The following EPB41L4A variants were observed in gnomAD, a reference collection of about 807,000 sequenced individuals.
EPB41L4A encodes erythrocyte membrane protein band 4.1 like 4A.
Under a neutral mutation model 108.6 loss-of-function variants are expected in EPB41L4A, and 100 were observed. That is an observed-to-expected ratio of 0.92 (90% CI 0.78 to 1.09). The LOEUF (loss-of-function observed/expected upper bound fraction) is 1.09, where lower values mean the gene tolerates loss of function less well. Among genes scored for constraint, EPB41L4A ranks in the 50% least tolerant of loss-of-function variants. The probability of loss-of-function intolerance (pLI) is 0.00; values close to 1 mark genes in which losing one functional copy is unlikely to be tolerated. For missense variants in EPB41L4A, 1,030 were observed against 842.7 expected (o/e 1.22, Z -2.75); for synonymous variants, 319 against 289.0 (o/e 1.10, Z -1.05).
intron 1 of EPB41L4A, among the ~76,000 whole-genome samples, chr5:112,326,004 A>G (rs1480168934): frequency 6.6e-6 from 1 of 152,038 alleles, no homozygotes; most frequent in Non-Finnish European, 1.5e-5. Context: ...TTTTAAAATT[A>G]GCCAAGTGGG....
downstream of EPB41L4A, chr5:112,161,403 A>G (rs1759892569): frequency 4.5e-6 from 2 of 439,906 alleles, no homozygotes; most frequent in South Asian, 1.7e-5. Flanking sequence ...TCTGAAATGT[A>G]TTGTCCGTTT....
At position 112,396,310 on chromosome 5, in the gene EPB41L4A, T is replaced by C. The variant is rs544705811; in HGVS notation, c.99+22631A>G. ...CACTTTTATACAAAGGCTTTATCCA[T>C]ATTGCTTCAATATGCAGTTTCTTCC... is the stretch of plus-strand genomic sequence containing the variant. On this transcript the variant is annotated intron_variant, in intron 1 of 22. Coordinates refer to ENST00000261486, the MANE Select transcript of EPB41L4A (RefSeq NM_022140.5). Among the ~76,000 whole-genome samples, 3 of 152,320 alleles carry C rather than the reference T, an allele frequency of 2.0e-5. No homozygotes were observed. The South Asian group carries it at 6.2e-4, about 32-fold the overall frequency.
intron 1 of EPB41L4A, among the ~76,000 whole-genome samples, chr5:112,339,640 T>G (rs1019453012): frequency 6.6e-6 from 1 of 151,142 alleles, no homozygotes. Context: ...TTCAAGCGAT[T>G]CCCCCGCCTC....
At chr5:112,282,767 G>A (rs1022114069) in intron 2 of EPB41L4A, among the ~76,000 whole-genome samples, 2 of 152,186 alleles carry the variant, frequency 1.3e-5, no homozygotes, top group Admixed American at 1.3e-4. Flanking sequence ...AAAAAAGGAG[G>A]CTTTGGTCTT....
chr5:112,418,137 A>G (rs1762822633), intron 1 of EPB41L4A, among the ~76,000 whole-genome samples: 1 of 152,194 alleles, frequency 6.6e-6, no homozygotes, highest in Admixed American at 6.5e-5. Flanking sequence ...AGATAAACAA[A>G]ACAACAAAAC....
At chr5:112,191,691 A>T (rs76309365) in intron 17 of EPB41L4A, among the ~76,000 whole-genome samples, 5 of 151,716 alleles carry the variant, frequency 3.3e-5, no homozygotes, top group Non-Finnish European at 7.4e-5. Context: ...AAAAAAAAAA[A>T]TCCTGCAAGA....
chr5:112,259,826 A>G, intron 8 of EPB41L4A, 65 bp downstream of exon 8: 1 of 1,150,850 alleles, frequency 8.7e-7, no homozygotes, highest in East Asian at 2.3e-5. Flanking sequence ...CAACTCTTTC[A>G]CTGACACAGG....
chr5:112,268,842 C>CAAAAAA lies in EPB41L4A; in HGVS notation c.336-2518_336-2513dup, dbSNP rs34983995. ...TGGGCAACAGAATAAGACCTTCTCT[C>CAAAAAA]AAAAAAAAAAAAAAAAAAAAAAAAG... On this transcript the variant is annotated intron_variant, in intron 4 of 22. Transcript: ENST00000261486. Among the ~76,000 whole-genome samples the CAAAAAA allele has an allele frequency of 2.1e-3, 120 of 55,904 alleles. 1 individual carries two copies. The highest frequency in any genetic ancestry group is 5.3e-3 in the East Asian group (8 of 1,510). The allele number at this position is 55,904 out of a possible 152,430, so 36.7% of individuals were successfully genotyped here.
chr5:112,278,605 T>C (rs1189156974), intron 3 of EPB41L4A, among the ~76,000 whole-genome samples: 1 of 152,156 alleles, frequency 6.6e-6, no homozygotes, highest in East Asian at 1.9e-4. Flanking sequence ...CATTATAGAC[T>C]GATACTTAAA....
At chr5:112,341,610 A>G (rs910984023) in intron 1 of EPB41L4A, among the ~76,000 whole-genome samples, 6 of 152,160 alleles carry the variant, frequency 3.9e-5, no homozygotes, top group Non-Finnish European at 7.4e-5. Flanking sequence ...AAAGAAAGTA[A>G]TTTTAAAAAT....
intron 14 of EPB41L4A, 81 bp downstream of exon 14, chr5:112,205,340 G>A (rs940761034): frequency 1.7e-6 from 2 of 1,191,460 alleles, no homozygotes; most frequent in Non-Finnish European, 2.5e-6. Context: ...CCACCCAGCA[G>A]CTGGATTCCT....
intron 1 of EPB41L4A, among the ~76,000 whole-genome samples, chr5:112,387,253 C>G (rs1345815625): frequency 6.6e-6 from 1 of 152,214 alleles, no homozygotes; most frequent in Non-Finnish European, 1.5e-5. Flanking sequence ...TAGAGCTGCC[C>G]TCCCGGACCC....
At chr5:112,172,124 T>C (rs921158675) in intron 18 of EPB41L4A, among the ~76,000 whole-genome samples, 1 of 152,160 alleles carries the variant, frequency 6.6e-6, no homozygotes, top group Non-Finnish European at 1.5e-5. Flanking sequence ...TTTAATCAAC[T>C]CAGGATGAGA....
At chr5:112,345,729 A>G (rs1474338536) in intron 1 of EPB41L4A, among the ~76,000 whole-genome samples, 1 of 150,974 alleles carries the variant, frequency 6.6e-6, no homozygotes, top group Non-Finnish European at 1.5e-5. Context: ...GCAGTGTTGT[A>G]GGATGTGCAC....
intron 2 of EPB41L4A, among the ~76,000 whole-genome samples, chr5:112,289,192 A>C (rs969138846): frequency 1.3e-5 from 2 of 152,180 alleles, no homozygotes; most frequent in African/African-American, 4.8e-5. Context: ...CAGATTATAG[A>C]TAGGGCCCAG....
intron 1 of EPB41L4A, among the ~76,000 whole-genome samples, chr5:112,330,422 T>G (rs1176779257): frequency 6.6e-6 from 1 of 152,192 alleles, no homozygotes; most frequent in African/African-American, 2.4e-5. Flanking sequence ...ATTCATTTCT[T>G]TTTTAAGGGA....
chr5:112,346,216 A>ATTTTTTTTT (rs561328868), intron 1 of EPB41L4A, among the ~76,000 whole-genome samples: 7,101 of 67,196 alleles, frequency 0.11, 2,196 homozygotes, highest in South Asian at 0.16. Flanking sequence ...GGTACATTGC[A>ATTTTTTTTT]TTTTTTTTTT....
chr5:112,337,108 G>C (rs2064097175), intron 1 of EPB41L4A, among the ~76,000 whole-genome samples: 1 of 152,178 alleles, frequency 6.6e-6, no homozygotes, highest in African/African-American at 2.4e-5. Context: ...GGTTTTGTAA[G>C]ATGCAATATT....
At position 112,195,680 on chromosome 5, in the gene EPB41L4A, C is replaced by T. The variant is rs777202416; in HGVS notation, c.1405G>A (p.Asp469Asn). 7 of 1,613,630 alleles carry T rather than the reference C, an allele frequency of 4.3e-6. No homozygotes were observed. The highest frequency in any genetic ancestry group is 5.9e-6 in the Non-Finnish European group (7 of 1,179,820). The part of the protein sequence containing the change: ...RKAHNSGEDS[D>N]LKQRRRSRSR... ...TTTTACCTCCTCCTTTGCTTAAGAT[C>T]TGAATCTTCACCACTGTTATGGGCT... The change falls in exon 16 of 23, where the codon GAT becomes AAT. Residue 469 changes from aspartate (D) to asparagine (N), a missense_variant. Physicochemically the swap from Asp to Asn is conservative, Grantham distance 23. Transcript: ENST00000261486.
Sources: allele counts gnomAD v4.1 joint callset (sites outside exome capture counted in the v4.1 genomes callset), GRCh38; gene constraint gnomAD v4.1.1; transcripts MANE v1.5; gene names NCBI Gene and HGNC (gene_info 2026-07-23, HGNC 2026-07-21).